The following FSTL5 variants were observed in gnomAD, a reference collection of about 807,000 sequenced individuals.
The protein encoded by FSTL5 is follistatin like 5.
A neutral mutation model predicts 89.1 loss-of-function variants in FSTL5; 62 were observed. The observed-to-expected ratio is 0.70, with a 90% CI of 0.57 to 0.86. FSTL5 has a LOEUF of 0.86. Among genes scored for constraint, FSTL5 ranks in the 40% least tolerant of loss-of-function variants. The pLI, the probability that FSTL5 is intolerant of heterozygous loss-of-function variation, is 0.00. For missense variants in FSTL5, 1,057 were observed against 1,001.6 expected (o/e 1.06, Z -0.75); for synonymous variants, 383 against 346.2 (o/e 1.11, Z -1.18).
chr4:161,809,683 C>T (rs1226557063), intron 4 of FSTL5, among the ~76,000 whole-genome samples: 5 of 152,166 alleles, frequency 3.3e-5, no homozygotes, highest in African/African-American at 4.8e-5. Flanking sequence ...TACGCTACAG[C>T]GTGGAAGAAT....
At chr4:161,833,574 G>C (rs1044375380) in intron 4 of FSTL5, among the ~76,000 whole-genome samples, 1 of 150,352 alleles carries the variant, frequency 6.7e-6, no homozygotes, top group Non-Finnish European at 1.5e-5. Context: ...CCTGTATTGG[G>C]TGCATATATA....
At chr4:162,149,842 G>T (rs182384343) in intron 1 of FSTL5, among the ~76,000 whole-genome samples, 1 of 151,960 alleles carries the variant, frequency 6.6e-6, no homozygotes, top group Admixed American at 6.6e-5. Flanking sequence ...TCAATACTAC[G>T]TTCAGTTTGA....
chr4:162,022,541 T>C (rs767742901), intron 3 of FSTL5, among the ~76,000 whole-genome samples: 7 of 152,098 alleles, frequency 4.6e-5, no homozygotes, highest in Non-Finnish European at 1.0e-4. Flanking sequence ...TAAAACGTAA[T>C]GGTACCTTCT....
intron 15 of FSTL5, among the ~76,000 whole-genome samples, chr4:161,403,939 A>C (rs1030431286): frequency 6.6e-6 from 1 of 152,190 alleles, no homozygotes; most frequent in Non-Finnish European, 1.5e-5. Flanking sequence ...AAGCATGTTA[A>C]GTGAACTCTG....
rs1249557389 is a variant in FSTL5 at position 161,386,287 on chromosome 4, G to A, written c.2004C>T (p.Asp668=). 2.5e-6 allele frequency: 4 copies of A among 1,614,018 alleles called. No individual in the cohort carries two copies. The South Asian group carries it at 3.3e-5, about 13-fold the overall frequency. Residue 668 remains aspartate (D), a synonymous_variant, in exon 16 of 16, where the codon GAC becomes GAT. Coordinates refer to ENST00000306100, the MANE Select transcript of FSTL5 (RefSeq NM_020116.5). The part of the protein sequence containing the change: ...GGYYFIGCKP[D]STGAVSPQVM... ...CCTGTGGGGAAACTGCTCCGGTGCT[G>A]TCAGGTTTGCAGCCAATGAAGTAGT...
At chr4:161,732,273 T>C (rs1436638892) in intron 6 of FSTL5, among the ~76,000 whole-genome samples, 1 of 152,142 alleles carries the variant, frequency 6.6e-6, no homozygotes, top group Non-Finnish European at 1.5e-5. Flanking sequence ...AAATTTGTCA[T>C]ATGCACATTT....
At chr4:161,480,712 G>A (rs1050443260) in intron 13 of FSTL5, among the ~76,000 whole-genome samples, 7 of 152,112 alleles carry the variant, frequency 4.6e-5, no homozygotes, top group Non-Finnish European at 4.4e-5. Flanking sequence ...TGCCTGCTCC[G>A]ACTGTGCCTT....
intron 4 of FSTL5, among the ~76,000 whole-genome samples, chr4:161,912,944 G>A (rs1248039570): frequency 6.6e-6 from 1 of 152,172 alleles, no homozygotes; most frequent in East Asian, 1.9e-4. Flanking sequence ...TTTTAGCAAA[G>A]AGACTGGTGG....
intron 15 of FSTL5, among the ~76,000 whole-genome samples, chr4:161,410,480 A>G (rs1032472967): frequency 3.9e-5 from 6 of 152,230 alleles, no homozygotes; most frequent in Non-Finnish European, 8.8e-5. Flanking sequence ...TCAGTCATAA[A>G]GCAAGCCTCC....
At position 161,745,675 on chromosome 4, in the gene FSTL5, A is replaced by T. The variant is rs1211793449; in HGVS notation, c.727+13736T>A. Among the ~76,000 whole-genome samples the T allele has an allele frequency of 2.6e-5, 4 of 152,214 alleles. No homozygotes were observed. In the East Asian group the frequency reaches 7.7e-4, roughly 29 times the overall value. ...TGTGTCAAACTATAAGTAAAAAAAA[A>T]AAATCACTCATTGTAGCAATAAGAT... On this transcript the variant is annotated intron_variant, in intron 6 of 15. Coordinates refer to ENST00000306100, the MANE Select transcript of FSTL5 (RefSeq NM_020116.5).
chr4:161,689,847 A>G (rs1252418843), intron 6 of FSTL5, among the ~76,000 whole-genome samples: 1 of 152,144 alleles, frequency 6.6e-6, no homozygotes, highest in Non-Finnish European at 1.5e-5. Context: ...AATCAGCTTT[A>G]TGTCACTATC....
chr4:161,686,319 TA>T (rs1737716917), intron 6 of FSTL5, among the ~76,000 whole-genome samples: 1 of 4,530 alleles, frequency 2.2e-4, no homozygotes, highest in African/African-American at 7.5e-4. Context: ...TATATATATA[TA>T]TATATATATA....
Position 162,001,319 on chromosome 4 carries a change from C to CCTATCTAT in FSTL5, c.160+32298_160+32305dup, listed in dbSNP as rs141828612. Among the ~76,000 whole-genome samples the CCTATCTAT allele has an allele frequency of 5.3e-5, 8 of 152,062 alleles. No homozygotes were observed. In the East Asian group the frequency reaches 1.2e-3, roughly 22 times the overall value. On this transcript the variant is annotated intron_variant, in intron 3 of 15. Coordinates refer to ENST00000306100, the MANE Select transcript of FSTL5 (RefSeq NM_020116.5). ...CTATATCTATCTGTCTATCTATCCT[C>CCTATCTAT]CTATCTATCTATCTATCTAGAGAGT...
intron 4 of FSTL5, among the ~76,000 whole-genome samples, chr4:161,890,035 A>T (rs1205531155): frequency 1.3e-5 from 2 of 152,226 alleles, no homozygotes; most frequent in African/African-American, 4.8e-5. Flanking sequence ...AGGAGATTCC[A>T]TCTGTCTGAT....
At chr4:162,071,418 T>C (rs1328383764) in intron 2 of FSTL5, among the ~76,000 whole-genome samples, 1 of 151,660 alleles carries the variant, frequency 6.6e-6, no homozygotes, top group African/African-American at 2.4e-5. Flanking sequence ...TATAATAATA[T>C]AGGAATCAAT....
chr4:161,592,383 G>T (rs193028375), intron 7 of FSTL5, among the ~76,000 whole-genome samples: 1 of 151,896 alleles, frequency 6.6e-6, no homozygotes, highest in African/African-American at 2.4e-5. Flanking sequence ...CCATCAACTC[G>T]TCATCTACAT....
chr4:161,805,009 A>C (rs1343585326), intron 4 of FSTL5, among the ~76,000 whole-genome samples: 3 of 152,092 alleles, frequency 2.0e-5, no homozygotes, highest in Non-Finnish European at 4.4e-5. Flanking sequence ...TGACCAGTGA[A>C]TACAGCATGG....
At chr4:161,559,170 CA>C (rs371691648) in intron 8 of FSTL5, among the ~76,000 whole-genome samples, 8 of 152,050 alleles carry the variant, frequency 5.3e-5, no homozygotes, top group African/African-American at 1.9e-4. Flanking sequence ...ATTAGCTTCT[CA>C]AGATTTATAT....
intron 4 of FSTL5, among the ~76,000 whole-genome samples, chr4:161,780,214 A>G (rs1337408716): frequency 6.7e-6 from 1 of 150,234 alleles, no homozygotes; most frequent in Non-Finnish European, 1.5e-5. Flanking sequence ...TTTAATAATT[A>G]TTTAATAATA....
Sources: allele counts gnomAD v4.1 joint callset (sites outside exome capture counted in the v4.1 genomes callset), GRCh38; gene constraint gnomAD v4.1.1; transcripts MANE v1.5; gene names NCBI Gene and HGNC (gene_info 2026-07-23, HGNC 2026-07-21).